The following LRP1B variants were observed in gnomAD, a reference collection of about 807,000 sequenced individuals.
LRP1B encodes the protein LDL receptor related protein 1B.
LRP1B carries 217 observed loss-of-function variants against 556.6 expected under a neutral mutation model. That is an observed-to-expected ratio of 0.39 (90% CI 0.35 to 0.44). LRP1B has a LOEUF of 0.44. LRP1B is among the 20% of genes least tolerant of loss of function. The pLI is 1.00. For synonymous variants in LRP1B, 2,047 were observed against 1,865.8 expected (o/e 1.10, Z -2.50); for missense variants, 5,053 against 5,620.8 (o/e 0.90, Z 3.23).
rs745992506 is a variant in LRP1B, at chr2:140,323,923, A to C, written c.12484T>G (p.Leu4162Val). Residue 4162 changes from leucine to valine, a missense_variant, in exon 81 of 91, where the codon TTG (leucine) becomes GTG (valine). Physicochemically the swap from Leu to Val is conservative, Grantham distance 32 (BLOSUM62 1). Transcript: ENST00000389484. Reference protein sequence around the residue: ...ALNIDKTKGVLISHRYKQLDL... With the variant: ...ALNIDKTKGVVISHRYKQLDL... ...AGTTGTTTATAACGATGAGATATCA[A>C]AACACCTTTTGTTTTATCAATATTT... The C allele has an allele frequency of 1.3e-6, 2 of 1,578,668 alleles. No homozygotes were observed. Among genetic ancestry groups the C allele is most frequent in the Non-Finnish European group, 1.7e-6 (2 of 1,149,222 alleles).
At chr2:141,909,495 G>A (rs568072410) in intron 1 of LRP1B, among the ~76,000 whole-genome samples, 1 of 143,366 alleles carries the variant, frequency 7.0e-6, no homozygotes, top group African/African-American at 2.6e-5. Context: ...TCAGGCATCT[G>A]GGTTAATTTA....
intron 35 of LRP1B, among the ~76,000 whole-genome samples, chr2:140,744,574 T>G (rs992199569): frequency 3.9e-5 from 6 of 152,242 alleles, no homozygotes; most frequent in African/African-American, 1.2e-4. Context: ...CATATCAACA[T>G]GCTTCCATCT....
chr2:140,306,300 G>C (rs1266652060), intron 83 of LRP1B, among the ~76,000 whole-genome samples: 1 of 151,884 alleles, frequency 6.6e-6, no homozygotes, highest in South Asian at 2.1e-4. Context: ...TTTTTGGTTG[G>C]TAGGCTTTTA....
At chr2:140,267,021 C>T (rs980384778) in intron 86 of LRP1B, among the ~76,000 whole-genome samples, 2 of 151,954 alleles carry the variant, frequency 1.3e-5, no homozygotes, top group African/African-American at 4.8e-5. Flanking sequence ...CAGACATCCA[C>T]CCCTTCCTAG....
chr2:142,072,146 A>G (rs1250660660), intron 1 of LRP1B, among the ~76,000 whole-genome samples: 1 of 151,926 alleles, frequency 6.6e-6, no homozygotes, highest in African/African-American at 2.4e-5. Context: ...TGCCTATGTT[A>G]GTTCAGCGGT....
intron 86 of LRP1B, among the ~76,000 whole-genome samples, chr2:140,259,303 C>A (rs1681829038): frequency 6.6e-6 from 1 of 151,900 alleles, no homozygotes; most frequent in South Asian, 2.1e-4. Context: ...AAACAAAAGG[C>A]AAAGAGAAGA....
rs567711111 is a variant in LRP1B, at chr2:140,673,275, A to G, written c.6799+26975T>C. On this transcript the variant is annotated intron_variant, in intron 41 of 90. Transcript: ENST00000389484. ...GGCAGAAATCAATTAAGGTATTACA[A>G]GTATTGCCTCTATAAAGTACATTTG... 3.3e-5 allele frequency among the ~76,000 whole-genome samples: 5 copies of G among 152,338 alleles called. No homozygotes were observed. In the East Asian group the frequency reaches 9.6e-4, roughly 29 times the overall value.
intron 84 of LRP1B, among the ~76,000 whole-genome samples, chr2:140,281,878 G>A (rs1682927663): frequency 6.6e-6 from 1 of 151,710 alleles, no homozygotes; most frequent in South Asian, 2.1e-4. Flanking sequence ...TATTATCCCT[G>A]CAGAGTGGTT....
At chr2:142,029,126 A>G (rs565981417) in intron 1 of LRP1B, among the ~76,000 whole-genome samples, 2 of 151,764 alleles carry the variant, frequency 1.3e-5, no homozygotes, top group South Asian at 4.1e-4. Flanking sequence ...ACCAATCCTC[A>G]AAATCACCTA....
intron 68 of LRP1B, among the ~76,000 whole-genome samples, chr2:140,375,173 A>ATGTGTGTGTGTGTGTGTG (rs34597866): frequency 6.9e-6 from 1 of 144,108 alleles, no homozygotes; most frequent in Non-Finnish European, 1.5e-5. Context: ...TACTGTGTGT[A>ATGTGTGTGTGTGTGTGTG]TGTGTGTGTG....
At position 141,971,635 on chromosome 2, in the gene LRP1B, T is replaced by C. The variant is rs1701734542; in HGVS notation, c.82+159013A>G. Among the ~76,000 whole-genome samples the C allele has an allele frequency of 2.0e-5, 3 of 151,684 alleles. No individual in the cohort carries two copies. In the South Asian group the frequency reaches 6.2e-4, roughly 31 times the overall value. The stretch of plus-strand genomic sequence containing the variant: ...GAATGAGTGGGTATGATGATTTATA[T>C]TGCAGAGAGAGCCCATAAGGCATCA... On this transcript the variant is annotated intron_variant, in intron 1 of 90. Transcript: ENST00000389484.
chr2:141,789,013 T>C (rs911164765), intron 2 of LRP1B, among the ~76,000 whole-genome samples: 2 of 152,034 alleles, frequency 1.3e-5, no homozygotes, highest in Non-Finnish European at 2.9e-5. Context: ...TGTGTCTTTA[T>C]AGCAGCATGA....
intron 52 of LRP1B, among the ~76,000 whole-genome samples, chr2:140,509,594 T>C (rs891895796): frequency 2.0e-5 from 3 of 152,156 alleles, no homozygotes; most frequent in Non-Finnish European, 1.5e-5. Context: ...AGGATGGTGG[T>C]GGACGACGCA....
chr2:141,088,612 G>C (rs1359907651), intron 7 of LRP1B, among the ~76,000 whole-genome samples: 2 of 152,114 alleles, frequency 1.3e-5, no homozygotes, highest in Non-Finnish European at 2.9e-5. Context: ...TATGCCATAG[G>C]ATGACTACTA....
chr2:140,314,060 C>A (rs536587482), intron 83 of LRP1B, among the ~76,000 whole-genome samples: 3 of 151,850 alleles, frequency 2.0e-5, no homozygotes, highest in Non-Finnish European at 2.9e-5. Flanking sequence ...TTAAATACTT[C>A]AAAACACAGC....
intron 89 of LRP1B, 114 bp from the exon 90 acceptor site, chr2:140,234,998 C>T (rs567729434): frequency 2.4e-5 from 13 of 531,826 alleles, no homozygotes; most frequent in Admixed American, 1.7e-4. Context: ...TAGCCTTACA[C>T]CATTTACAGT....
intron 1 of LRP1B, among the ~76,000 whole-genome samples, chr2:142,080,539 A>C (rs954970430): frequency 2.0e-5 from 3 of 152,168 alleles, no homozygotes; most frequent in Admixed American, 6.5e-5. Flanking sequence ...AAAATAAATA[A>C]ATAAATAAAT....
intron 35 of LRP1B, among the ~76,000 whole-genome samples, chr2:140,731,896 A>C (rs1233154667): frequency 6.6e-6 from 1 of 152,074 alleles, no homozygotes; most frequent in Non-Finnish European, 1.5e-5. Flanking sequence ...TAATGAATTT[A>C]ATTATATATC....
chr2:140,291,237 A>G (rs544014053), intron 84 of LRP1B, among the ~76,000 whole-genome samples: 4 of 143,428 alleles, frequency 2.8e-5, no homozygotes, highest in African/African-American at 7.5e-5. Context: ...TACTCTTCTC[A>G]TCTCTTGGCT....
Sources: allele counts gnomAD v4.1 joint callset (sites outside exome capture counted in the v4.1 genomes callset), GRCh38; gene constraint gnomAD v4.1.1; transcripts MANE v1.5; gene names NCBI Gene and HGNC (gene_info 2026-07-23, HGNC 2026-07-21).